The following C3orf33 variants were observed in gnomAD, a reference collection of about 807,000 sequenced individuals.
C3orf33 encodes the protein AP-1 activity suppressor.
In C3orf33, 23 loss-of-function variants were observed where a neutral mutation model predicts 28.7. The ratio of observed to expected loss-of-function variants is 0.80; its 90% confidence interval spans 0.58 to 1.13. The LOEUF (loss-of-function observed/expected upper bound fraction) is 1.13. C3orf33 is among the 50% of genes most tolerant of loss of function. The pLI, the probability that C3orf33 is intolerant of heterozygous loss-of-function variation, is 0.00. For synonymous variants in C3orf33, 119 were observed against 120.5 expected (o/e 0.99, Z 0.08); for missense variants, 327 against 353.4 (o/e 0.93, Z 0.60).
chr3:155,783,396 C>A (rs947354589), intron 2 of C3orf33, among the ~76,000 whole-genome samples: 2 of 152,012 alleles, frequency 1.3e-5, no homozygotes, highest in Non-Finnish European at 2.9e-5. Flanking sequence ...CTCAGGTGAT[C>A]CACCCACCTC....
intron 1 of C3orf33, chr3:155,804,160 G>A (rs1159280877): frequency 4.7e-6 from 2 of 427,346 alleles, no homozygotes; most frequent in Non-Finnish European, 9.3e-6. Context: ...TGGGGGACAA[G>A]TGCAAGACTT....
chr3:155,795,141 G>A (rs190539840), intron 2 of C3orf33, among the ~76,000 whole-genome samples: 40 of 152,244 alleles, frequency 2.6e-4, no homozygotes, highest in Admixed American at 1.1e-3. Context: ...TAGACTATAT[G>A]TTAGGTCAAA....
chr3:155,793,839 A>T (rs1054811714), intron 2 of C3orf33, among the ~76,000 whole-genome samples: 1 of 146,532 alleles, frequency 6.8e-6, no homozygotes, highest in Non-Finnish European at 1.5e-5. Context: ...TAAAAAAACT[A>T]AAAAAACTAA....
rs529240112 is a variant in C3orf33 at position 155,791,894 on chromosome 3, T to C, written c.174+10638A>G. On this transcript the variant is annotated intron_variant, in intron 2 of 4. Transcript: ENST00000340171. ...TGACACCTCTGGACCTATCTGAGAC[T>C]GGGAGAAGTCACCACCCAGAAGAGA... 2.6e-5 allele frequency among the ~76,000 whole-genome samples: 4 copies of C among 152,060 alleles called. No individual in the cohort carries two copies. In the East Asian group the frequency reaches 7.7e-4, roughly 29 times the overall value.
intron 4 of C3orf33, among the ~76,000 whole-genome samples, chr3:155,765,318 G>A (rs982140780): frequency 1.3e-5 from 2 of 152,214 alleles, no homozygotes; most frequent in African/African-American, 2.4e-5. Context: ...ACAACCTGTA[G>A]AGTGGTTCTG....
At position 155,775,577 on chromosome 3, in the gene C3orf33, G is replaced by A. The variant is rs542842679; in HGVS notation, c.322+124C>T. The A allele has an allele frequency of 5.8e-5, 33 of 570,120 alleles. No homozygotes were observed. In the African/African-American group the frequency reaches 6.3e-4, roughly 11 times the overall value. The allele number at this position is 570,120 out of a possible 1,614,324, so 35.3% of individuals were successfully genotyped here. ...CCTTATATATAAAGCCAAGAATTGA[G>A]ACTTTCTCATGGACAATGGAGAGTT... On this transcript the variant is annotated intron_variant, in intron 3 of 4. Transcript: ENST00000340171.
intron 3 of C3orf33, among the ~76,000 whole-genome samples, chr3:155,769,485 CAAAAAA>C (rs59639224): frequency 1.2e-5 from 1 of 84,336 alleles, no homozygotes; most frequent in African/African-American, 3.9e-5. Context: ...GAGACTGTTT[CAAAAAA>C]AAAAAAAAAA....
chr3:155,796,621 C>G (rs1751482249), intron 2 of C3orf33, among the ~76,000 whole-genome samples: 1 of 152,086 alleles, frequency 6.6e-6, no homozygotes, highest in Admixed American at 6.6e-5. Flanking sequence ...CAATCCTACT[C>G]AAATGATTCA....
At chr3:155,781,178 A>AT (rs1289412595) in intron 2 of C3orf33, among the ~76,000 whole-genome samples, 8 of 146,112 alleles carry the variant, frequency 5.5e-5, no homozygotes, top group South Asian at 2.2e-4. Context: ...TTTTTTTTGT[A>AT]TTTTTTTTTA....
intron 2 of C3orf33, among the ~76,000 whole-genome samples, chr3:155,794,856 TACA>T (rs922759643): frequency 2.0e-5 from 3 of 152,038 alleles, no homozygotes; most frequent in African/African-American, 4.8e-5. Context: ...AGCAAGAGGA[TACA>T]ACAATTATAA....
At chr3:155,784,471 G>A (rs2109266732) in intron 2 of C3orf33, among the ~76,000 whole-genome samples, 1 of 152,240 alleles carries the variant, frequency 6.6e-6, no homozygotes, top group East Asian at 1.9e-4. Flanking sequence ...TGGGCGTGGT[G>A]GCTCATGTCT....
In C3orf33 at chr3:155,806,124, G is replaced by T; in HGVS notation, c.114+15C>A. The T allele has an allele frequency of 7.1e-7, 1 of 1,407,202 alleles. No individual in the cohort carries two copies. Among genetic ancestry groups the T allele is most frequent in the Non-Finnish European group, 9.4e-7 (1 of 1,066,168 alleles). 87.2% of individuals were successfully genotyped at this position (1,407,202 alleles called of 1,614,324 possible). On this transcript the variant is annotated intron_variant, in intron 1 of 4. Transcript: ENST00000340171. ...CCCGCGCCCACCACCCGCCCAGACT[G>T]CGTGGCCCCAGTACCCGGACTAGGC...
chr3:155,776,544 G>A (rs1257117870), intron 2 of C3orf33, among the ~76,000 whole-genome samples: 1 of 152,008 alleles, frequency 6.6e-6, no homozygotes, highest in African/African-American at 2.4e-5. Flanking sequence ...AGCACTTTGG[G>A]AGGCTTAGGT....
At chr3:155,779,477 T>C (rs907895943) in intron 2 of C3orf33, among the ~76,000 whole-genome samples, 1 of 152,110 alleles carries the variant, frequency 6.6e-6, no homozygotes, top group East Asian at 1.9e-4. Flanking sequence ...ATATTTTAAG[T>C]AGAGACAAGG....
At chr3:155,779,809 T>G (rs1234605803) in intron 2 of C3orf33, among the ~76,000 whole-genome samples, 1 of 152,224 alleles carries the variant, frequency 6.6e-6, no homozygotes. Context: ...TCTTACAATA[T>G]ATGCAAGAAG....
chr3:155,789,253 G>A (rs998302242), intron 2 of C3orf33, among the ~76,000 whole-genome samples: 2 of 150,788 alleles, frequency 1.3e-5, no homozygotes, highest in African/African-American at 2.4e-5. Context: ...GCTGAGGCAG[G>A]AGAATTGCTT....
At chr3:155,797,218 T>C (rs974110655) in intron 2 of C3orf33, among the ~76,000 whole-genome samples, 1 of 152,122 alleles carries the variant, frequency 6.6e-6, no homozygotes, top group Non-Finnish European at 1.5e-5. Flanking sequence ...AACATGAACA[T>C]TTCAATAGAT....
chr3:155,763,151 G>A lies in C3orf33; in HGVS notation c.*366C>T, dbSNP rs543475655. Reference sequence around the variant, plus strand: ...GCACTCCAGCCTGGGCAACAAGAGCGAAACGCCTTCTCAAAACAAACAAAC... The same window carrying A: ...GCACTCCAGCCTGGGCAACAAGAGCAAAACGCCTTCTCAAAACAAACAAAC... On this transcript the variant is annotated 3_prime_UTR_variant, in exon 5 of 5. Transcript: ENST00000340171. 24 of 155,544 alleles carry A rather than the reference G, an allele frequency of 1.5e-4. No individual in the cohort carries two copies. Among genetic ancestry groups the A allele is most frequent in the African/African-American group, 5.0e-4 (21 of 41,650 alleles). 9.6% of individuals were successfully genotyped at this position (155,544 alleles called of 1,614,324 possible).
At chr3:155,781,248 C>T (rs145645414) in intron 2 of C3orf33, among the ~76,000 whole-genome samples, 1,775 of 151,916 alleles carry the variant, frequency 0.012, 62 homozygotes, top group African/African-American at 0.041. Context: ...CCTCATGATC[C>T]ACCCGCCTCG....
Sources: gnomAD v4.1 joint callset for allele counts (sites outside exome capture counted in the v4.1 genomes callset) on GRCh38, gnomAD v4.1.1 for gene constraint, MANE v1.5 for transcripts, NCBI Gene and HGNC (gene_info 2026-07-23, HGNC 2026-07-21) for gene names.